Variants in CEPT1 observed in about 807,000 individuals in gnomAD.
The protein encoded by CEPT1 is choline/ethanolaminephosphotransferase 1.
A neutral mutation model predicts 42.6 loss-of-function variants in CEPT1; 7 were observed. The observed-to-expected ratio is 0.16, with a 90% confidence interval of 0.09 to 0.31. The LOEUF (loss-of-function observed/expected upper bound fraction) is 0.31, where lower values mean the gene tolerates loss of function less well. Among genes scored for constraint, CEPT1 ranks in the 10% least tolerant of loss-of-function variants. The probability of loss-of-function intolerance (pLI) is 1.00; values close to 1 mark genes in which losing one functional copy is unlikely to be tolerated. For synonymous variants in CEPT1, 171 were observed against 171.9 expected (o/e 0.99, Z 0.04); for missense variants, 306 against 502.1 (o/e 0.61, Z 3.73).
Position 111,147,870 on chromosome 1 carries a change from A to G in CEPT1, c.156A>G (p.Glu52=), listed in dbSNP as rs772427939. 3 of 1,614,196 alleles carry G rather than the reference A, an allele frequency of 1.9e-6. No individual in the cohort carries two copies. Among genetic ancestry groups the G allele is most frequent in the East Asian group, 4.5e-5 (2 of 44,882 alleles). The change falls in exon 2 of 9, where the codon GAA becomes GAG. Residue 52 remains glutamate (E), a synonymous_variant. Coordinates refer to ENST00000357172, the MANE Select transcript of CEPT1 (RefSeq NM_006090.5). ...CAAGACACCAACTAAAGCGGCTAGAAGAACACAGATATCAAAGTGCTGGAC... is the reference window on the plus strand; with the variant it reads ...CAAGACACCAACTAAAGCGGCTAGAGGAACACAGATATCAAAGTGCTGGAC... ...PLSRHQLKRL[E]EHRYQSAGRS... is the part of the protein sequence containing the mutation.
intron 4 of CEPT1, among the ~76,000 whole-genome samples, chr1:111,161,853 A>G (rs182780652): frequency 1.9e-4 from 29 of 152,350 alleles, no homozygotes; most frequent in African/African-American, 7.0e-4. Context: ...CAAATAATAC[A>G]TCACCAACCA....
At chr1:111,170,971 C>A (rs1216086747) in intron 4 of CEPT1, among the ~76,000 whole-genome samples, 1 of 152,088 alleles carries the variant, frequency 6.6e-6, no homozygotes, top group East Asian at 1.9e-4. Flanking sequence ...AAAATACTTA[C>A]AAAATAACTG....
Position 111,183,544 on chromosome 1 carries a change from T to G in CEPT1, c.1088T>G (p.Phe363Cys), listed in dbSNP as rs1436137642. Residue 363 changes from phenylalanine to cysteine, a missense_variant, in exon 8 of 9, where the codon TTT (phenylalanine) becomes TGT (cysteine). By Grantham distance (205) the Phe-to-Cys change is radical (BLOSUM62 -2). Transcript: ENST00000357172. ...GCACTTTTGTTTCTGGACCAGTATT[T>G]TAACAGCTTTATTGATGAATATATT... ...GPALLFLDQY[F>C]NSFIDEYIVL... 1 of 1,613,216 alleles carries G rather than the reference T, an allele frequency of 6.2e-7. No individual in the cohort carries two copies. The highest frequency in any genetic ancestry group is 1.3e-5 in the African/African-American group (1 of 75,016).
chr1:111,148,387 A>AC (rs1270983215), intron 2 of CEPT1, among the ~76,000 whole-genome samples: 21 of 151,454 alleles, frequency 1.4e-4, no homozygotes, highest in South Asian at 6.2e-4. Flanking sequence ...AAAAAAAAAA[A>AC]AACAGTGAGA....
chr1:111,147,581 T>C, intron 1 of CEPT1, 61 bp from the exon 2 acceptor site: 1 of 573,344 alleles, frequency 1.7e-6, no homozygotes, highest in Middle Eastern at 4.5e-4. Context: ...AATATTGGCA[T>C]AAGATGTAAA....
At chr1:111,169,923 G>T (rs957567294) in intron 4 of CEPT1, among the ~76,000 whole-genome samples, 1 of 152,094 alleles carries the variant, frequency 6.6e-6, no homozygotes, top group Non-Finnish European at 1.5e-5. Flanking sequence ...AAAGTCACTT[G>T]ACCTTTCTAA....
At chr1:111,179,722 G>A (rs1056265729) in intron 5 of CEPT1, 4 of 152,112 alleles carry the variant, frequency 2.6e-5, no homozygotes, top group Admixed American at 6.5e-5. Context: ...CATTGCTAAT[G>A]TGGGGGCTAG....
intron 2 of CEPT1, among the ~76,000 whole-genome samples, chr1:111,149,949 T>G (rs972876574): frequency 6.6e-6 from 1 of 152,228 alleles, no homozygotes; most frequent in Non-Finnish European, 1.5e-5. Flanking sequence ...TTAAGTGATT[T>G]GGAATGTATG....
intron 4 of CEPT1, among the ~76,000 whole-genome samples, chr1:111,171,378 G>A (rs1276300870): frequency 6.6e-6 from 1 of 152,216 alleles, no homozygotes; most frequent in Non-Finnish European, 1.5e-5. Flanking sequence ...CAACTAAAGA[G>A]ATGCTCTGTT....
chr1:111,171,682 G>A (rs76357230), intron 4 of CEPT1, among the ~76,000 whole-genome samples: 288 of 152,336 alleles, frequency 1.9e-3, no homozygotes, highest in Non-Finnish European at 3.1e-3. Context: ...GTAACTGGGA[G>A]AATTCTTTTT....
chr1:111,155,671 T>C (rs1655525412), intron 2 of CEPT1, among the ~76,000 whole-genome samples: 1 of 152,126 alleles, frequency 6.6e-6, no homozygotes, highest in Non-Finnish European at 1.5e-5. Context: ...CCCGAGTAGC[T>C]GGAATTACAG....
chr1:111,184,074 A>AATT (rs1228493044), intron 8 of CEPT1, 117 bp from the exon 9 acceptor site: 3 of 1,053,536 alleles, frequency 2.8e-6, no homozygotes, highest in African/African-American at 1.6e-5. Flanking sequence ...AAGGAAATTG[A>AATT]ATTATTTTAT....
chr1:111,144,257 G>T (rs994194119), intron 1 of CEPT1, among the ~76,000 whole-genome samples: 102 of 152,344 alleles, frequency 6.7e-4, no homozygotes, highest in Admixed American at 2.4e-3. Context: ...AGGAAGAGTA[G>T]AGATGAACCT....
At chr1:111,150,099 G>A (rs1655188165) in intron 2 of CEPT1, among the ~76,000 whole-genome samples, 1 of 152,212 alleles carries the variant, frequency 6.6e-6, no homozygotes, top group African/African-American at 2.4e-5. Flanking sequence ...TGCAAGGGAA[G>A]ATAATGTCCT....
intron 1 of CEPT1, among the ~76,000 whole-genome samples, chr1:111,145,588 G>T (rs943571126): frequency 2.0e-5 from 3 of 152,210 alleles, no homozygotes; most frequent in Non-Finnish European, 4.4e-5. Flanking sequence ...TGTCCCCCTG[G>T]CTGGTACCTA....
intron 5 of CEPT1, chr1:111,178,603 G>A (rs1437623179): frequency 6.6e-6 from 1 of 151,352 alleles, no homozygotes; most frequent in Non-Finnish European, 1.5e-5. Flanking sequence ...TTGGAACTAT[G>A]TTCTATCATA....
intron 6 of CEPT1, 23 bp from the exon 7 acceptor site, chr1:111,182,776 A>G: frequency 1.9e-6 from 3 of 1,596,574 alleles, no homozygotes; most frequent in Non-Finnish European, 2.6e-6. Context: ...AATACTATTA[A>G]CTCTTCTCTT....
intron 4 of CEPT1, among the ~76,000 whole-genome samples, chr1:111,162,538 CAT>C (rs924157212): frequency 6.6e-5 from 10 of 152,260 alleles, no homozygotes; most frequent in African/African-American, 1.7e-4. Context: ...TACCCAGAAA[CAT>C]ATGTGAGGGA....
chr1:111,166,004 C>T (rs183099470), intron 4 of CEPT1, among the ~76,000 whole-genome samples: 135 of 152,220 alleles, frequency 8.9e-4, no homozygotes, highest in Non-Finnish European at 1.5e-3. Context: ...CTAATCCCTG[C>T]GTAGAATCTA....
Sources: allele counts gnomAD v4.1 joint callset (sites outside exome capture counted in the v4.1 genomes callset), GRCh38; gene constraint gnomAD v4.1.1; transcripts MANE v1.5; gene names NCBI Gene and HGNC (gene_info 2026-07-23, HGNC 2026-07-21).